The following CCDC178 variants were observed in gnomAD, a reference collection of about 807,000 sequenced individuals.
The protein encoded by CCDC178 is coiled-coil domain containing 178, also known as coiled-coil domain-containing protein 178.
CCDC178 carries 126 observed loss-of-function variants against 117.4 expected under a neutral mutation model. That is an observed-to-expected ratio of 1.07 (90% CI 0.93 to 1.24). CCDC178 has a LOEUF of 1.24. Among genes scored for constraint, CCDC178 ranks in the 50% most tolerant of loss-of-function variants. CCDC178 has a pLI of 0.00. For missense variants in CCDC178, 1,030 were observed against 986.9 expected (o/e 1.04, Z -0.59); for synonymous variants, 283 against 313.4 (o/e 0.90, Z 1.02).
chr18:33,358,193 A>C (rs1377161184), intron 6 of CCDC178, among the ~76,000 whole-genome samples: 2 of 152,044 alleles, frequency 1.3e-5, no homozygotes, highest in African/African-American at 4.8e-5. Flanking sequence ...TATGTGGTAC[A>C]TCATTGACCA....
At chr18:33,174,256 G>GA (rs1473368008) in intron 20 of CCDC178, among the ~76,000 whole-genome samples, 4 of 152,118 alleles carry the variant, frequency 2.6e-5, no homozygotes, top group Non-Finnish European at 5.9e-5. Flanking sequence ...AGCCATAAGG[G>GA]CTCTTCTCCT....
intron 12 of CCDC178, among the ~76,000 whole-genome samples, chr18:33,280,086 G>A (rs1386202133): frequency 6.7e-6 from 1 of 149,862 alleles, no homozygotes. Flanking sequence ...GGCAACAGAA[G>A]CCAAAATTGA....
intron 22 of CCDC178, among the ~76,000 whole-genome samples, chr18:32,954,329 C>G (rs2144636754): frequency 6.6e-6 from 1 of 152,200 alleles, no homozygotes; most frequent in South Asian, 2.1e-4. Context: ...ATGAACCCTT[C>G]TTACAAGGGT....
intron 20 of CCDC178, among the ~76,000 whole-genome samples, chr18:33,185,157 T>C (rs1289944885): frequency 6.6e-6 from 1 of 151,830 alleles, no homozygotes. Context: ...AAGAAATCAT[T>C]TGAGAGAAGG....
intron 20 of CCDC178, among the ~76,000 whole-genome samples, chr18:33,209,605 G>T (rs1478062175): frequency 6.6e-6 from 1 of 151,942 alleles, no homozygotes; most frequent in Non-Finnish European, 1.5e-5. Flanking sequence ...GTTTCTACGA[G>T]AAATCACATC....
intron 21 of CCDC178, among the ~76,000 whole-genome samples, chr18:33,018,063 C>T (rs1379847120): frequency 3.9e-5 from 6 of 151,926 alleles, no homozygotes; most frequent in East Asian, 1.9e-4. Context: ...CCTTAGAATA[C>T]GCAAGGAACT....
intron 14 of CCDC178, among the ~76,000 whole-genome samples, chr18:33,259,476 A>G (rs2059715957): frequency 6.6e-6 from 1 of 152,166 alleles, no homozygotes; most frequent in Non-Finnish European, 1.5e-5. Flanking sequence ...GGCCTCTGGA[A>G]ACTTACAATC....
At chr18:33,162,742 G>A (rs1337843456) in intron 20 of CCDC178, among the ~76,000 whole-genome samples, 1 of 152,142 alleles carries the variant, frequency 6.6e-6, no homozygotes, top group Admixed American at 6.6e-5. Context: ...CTCTGTCCAT[G>A]TTCCCGCAAA....
chr18:33,333,135 G>A (rs1404204937), intron 10 of CCDC178, 39 bp downstream of exon 10: 1 of 1,242,836 alleles, frequency 8.0e-7, no homozygotes, highest in Non-Finnish European at 1.1e-6. Context: ...GCATAACTAA[G>A]TAATAATTTA....
intron 6 of CCDC178, among the ~76,000 whole-genome samples, chr18:33,357,878 A>G (rs1280552444): frequency 6.6e-6 from 1 of 151,888 alleles, no homozygotes; most frequent in Non-Finnish European, 1.5e-5. Context: ...ACATTAATAT[A>G]TACATATATA....
chr18:33,151,895 A>T (rs1297145655), intron 20 of CCDC178, among the ~76,000 whole-genome samples: 1 of 152,230 alleles, frequency 6.6e-6, no homozygotes, highest in Non-Finnish European at 1.5e-5. Flanking sequence ...CAATATTATT[A>T]TGGTGAAAAA....
intron 21 of CCDC178, among the ~76,000 whole-genome samples, chr18:32,991,037 A>G (rs556112088): frequency 4.6e-5 from 7 of 151,518 alleles, no homozygotes; most frequent in Non-Finnish European, 8.8e-5. Flanking sequence ...ATTTATTATT[A>G]TTTAATGAGC....
chr18:33,407,951 T>A (rs2063803499), intron 3 of CCDC178, among the ~76,000 whole-genome samples: 1 of 151,824 alleles, frequency 6.6e-6, no homozygotes, highest in Non-Finnish European at 1.5e-5. Flanking sequence ...ACAAGAAATG[T>A]TCAGAAAACC....
At chr18:33,271,771 A>C (rs1032987114) in intron 12 of CCDC178, among the ~76,000 whole-genome samples, 1 of 151,532 alleles carries the variant, frequency 6.6e-6, no homozygotes, top group Non-Finnish European at 1.5e-5. Flanking sequence ...AACAGAAGGA[A>C]ATTCAAAACA....
intron 11 of CCDC178, among the ~76,000 whole-genome samples, chr18:33,298,766 G>A (rs2062139505): frequency 6.6e-6 from 1 of 152,060 alleles, no homozygotes; most frequent in Non-Finnish European, 1.5e-5. Context: ...GCTTAGAACT[G>A]ATAAATGAAT....
intron 21 of CCDC178, among the ~76,000 whole-genome samples, chr18:33,021,128 T>C (rs1321064130): frequency 6.6e-6 from 1 of 152,328 alleles, no homozygotes; most frequent in East Asian, 1.9e-4. Context: ...GGTTCATTAA[T>C]TGAAGCGACA....
At chr18:33,293,598 G>A (rs906667295) in intron 11 of CCDC178, among the ~76,000 whole-genome samples, 4 of 152,128 alleles carry the variant, frequency 2.6e-5, no homozygotes, top group African/African-American at 7.2e-5. Context: ...CCAGGAGGTT[G>A]AGGCTGTAGT....
intron 15 of CCDC178, among the ~76,000 whole-genome samples, chr18:33,244,694 C>T (rs574896496): frequency 2.6e-5 from 4 of 151,932 alleles, no homozygotes; most frequent in East Asian, 1.9e-4. Context: ...TTCATAGCAG[C>T]GTGAGAATGG....
Position 33,348,760 on chromosome 18 carries a change from T to A in CCDC178, c.457+130A>T, listed in dbSNP as rs1041616416. On this transcript the variant is annotated intron_variant, in intron 8 of 22. Coordinates refer to ENST00000383096, the MANE Select transcript of CCDC178 (RefSeq NM_001105528.4). ...TAATCAAATGATATAGAGGACTATT[T>A]TGTCTATTAAACATTCATAATAATT... is the stretch of plus-strand genomic sequence containing the variant. 1.9e-5 allele frequency: 12 copies of A among 635,316 alleles called. No homozygotes were observed. In the African/African-American group the frequency reaches 2.2e-4, roughly 12 times the overall value. 39.4% of individuals were successfully genotyped at this position (635,316 alleles called of 1,614,324 possible).
Sources: gnomAD v4.1 joint callset for allele counts (sites outside exome capture counted in the v4.1 genomes callset) on GRCh38, gnomAD v4.1.1 for gene constraint, MANE v1.5 for transcripts, NCBI Gene and HGNC (gene_info 2026-07-23, HGNC 2026-07-21) for gene names.